The following KCNN2 variants were observed in gnomAD, a reference collection of about 807,000 sequenced individuals.
KCNN2 encodes small conductance calcium-activated potassium channel protein 2.
In KCNN2, 24 loss-of-function variants were observed where a neutral mutation model predicts 55.5. That is an observed-to-expected ratio of 0.43 (90% CI 0.31 to 0.61). The LOEUF is 0.61. Ranked by LOEUF, KCNN2 falls within the 20% of genes least tolerant of loss-of-function variation. The probability of loss-of-function intolerance (pLI) is 0.08; values close to 1 mark genes in which losing one functional copy is unlikely to be tolerated. For synonymous variants in KCNN2, 431 were observed against 336.1 expected (o/e 1.28, Z -3.09); for missense variants, 754 against 853.6 (o/e 0.88, Z 1.45).
rs559647369 is a variant in KCNN2 at position 114,211,533 on chromosome 5, G to A, written c.-270-9947G>A. 1.1e-4 allele frequency among the ~76,000 whole-genome samples: 17 copies of A among 152,162 alleles called. 1 individual carries two copies. The South Asian group carries it at 3.3e-3, about 30-fold the overall frequency. The stretch of plus-strand genomic sequence containing the variant: ...GGTGAGAATTCATGGACACAAAGAG[G>A]GGAACAACAGACTCTGGGACCTACC... On this transcript the variant is annotated intron_variant, in intron 1 of 10. Coordinates refer to the KCNN2 transcript ENST00000512097.
chr5:114,191,452 A>T (rs1290901246), intron 1 of KCNN2, among the ~76,000 whole-genome samples: 5 of 152,164 alleles, frequency 3.3e-5, no homozygotes, highest in Non-Finnish European at 7.4e-5. Context: ...AGCCATTCAC[A>T]AGTAAGAGGT....
intron 2 of KCNN2, among the ~76,000 whole-genome samples, chr5:114,223,255 G>A (rs1754180209): frequency 6.6e-6 from 1 of 152,078 alleles, no homozygotes; most frequent in African/African-American, 2.4e-5. Context: ...TTAGTCTACT[G>A]GAATGAAATG....
intron 2 of KCNN2, among the ~76,000 whole-genome samples, chr5:114,400,748 C>T (rs1465511021): frequency 6.6e-6 from 1 of 152,158 alleles, no homozygotes; most frequent in African/African-American, 2.4e-5. Context: ...TGTGCTGTTT[C>T]CTGTGCCTAG....
chr5:114,151,489 T>C (rs1752522627), intron 1 of KCNN2, among the ~76,000 whole-genome samples: 1 of 151,988 alleles, frequency 6.6e-6, no homozygotes, highest in African/African-American at 2.4e-5. Flanking sequence ...TTATCAGCTC[T>C]TTCTTTCCAT....
At chr5:114,204,520 T>G (rs946027579) in intron 1 of KCNN2, among the ~76,000 whole-genome samples, 3 of 152,216 alleles carry the variant, frequency 2.0e-5, no homozygotes, top group Non-Finnish European at 4.4e-5. Context: ...AGAAGTAACT[T>G]CTTCTGATGT....
chr5:114,096,484 A>G (rs545092235), intron 1 of KCNN2, among the ~76,000 whole-genome samples: 21 of 152,162 alleles, frequency 1.4e-4, no homozygotes, highest in African/African-American at 4.3e-4. Flanking sequence ...CAAGCTATAT[A>G]CTCATGACCT....
At chr5:114,205,562 A>G (rs1753751632) in intron 1 of KCNN2, among the ~76,000 whole-genome samples, 2 of 152,208 alleles carry the variant, frequency 1.3e-5, no homozygotes, top group African/African-American at 4.8e-5. Context: ...TAGAAGAGCA[A>G]AACAATAGAA....
chr5:114,487,277 T>C, intron 6 of KCNN2, 100 bp downstream of exon 6: 1 of 1,072,916 alleles, frequency 9.3e-7, no homozygotes, highest in South Asian at 1.5e-5. Context: ...AAAGAAAACA[T>C]TGTCATGTTT....
chr5:114,234,360 C>T (rs1161462446), intron 2 of KCNN2, among the ~76,000 whole-genome samples: 1 of 152,140 alleles, frequency 6.6e-6, no homozygotes, highest in Admixed American at 6.5e-5. Flanking sequence ...AATTTTTCTT[C>T]TCAGATGCAG....
At chr5:114,123,325 A>G (rs1192178105) in intron 1 of KCNN2, among the ~76,000 whole-genome samples, 2 of 150,742 alleles carry the variant, frequency 1.3e-5, no homozygotes, top group Non-Finnish European at 3.0e-5. Context: ...TTTGAGTTCT[A>G]ATACTGTAAG....
At chr5:114,490,823 T>C (rs1186394867) in intron 6 of KCNN2, 4 of 397,264 alleles carry the variant, frequency 1.0e-5, no homozygotes, top group Middle Eastern at 6.2e-4. Flanking sequence ...TGATCCAAAA[T>C]CATGATATTT....
chr5:114,438,662 G>A (rs1226364059), intron 3 of KCNN2, among the ~76,000 whole-genome samples: 1 of 152,128 alleles, frequency 6.6e-6, no homozygotes, highest in African/African-American at 2.4e-5. Flanking sequence ...TGGGGAAAAT[G>A]GTGATGTCAC....
intron 2 of KCNN2, among the ~76,000 whole-genome samples, chr5:114,332,327 T>C (rs1256182388): frequency 2.0e-5 from 3 of 152,118 alleles, no homozygotes; most frequent in African/African-American, 4.8e-5. Context: ...TGAGAGACAG[T>C]TAGGAGTTTA....
At chr5:114,118,643 A>G (rs558279757) in intron 1 of KCNN2, among the ~76,000 whole-genome samples, 29 of 152,192 alleles carry the variant, frequency 1.9e-4, no homozygotes, top group African/African-American at 6.7e-4. Context: ...TGTCTTATCA[A>G]GTATGCTGAT....
chr5:114,436,186 CT>C (rs1173097965), intron 3 of KCNN2, among the ~76,000 whole-genome samples: 2 of 152,158 alleles, frequency 1.3e-5, no homozygotes, highest in African/African-American at 4.8e-5. Flanking sequence ...AGAAATTGTC[CT>C]TAAGAATACA....
chr5:114,334,260 A>ATGTG (rs56654295), intron 2 of KCNN2, among the ~76,000 whole-genome samples: 1,799 of 138,244 alleles, frequency 0.013, 19 homozygotes, highest in Non-Finnish European at 0.013. Flanking sequence ...CATATGCCTG[A>ATGTG]TGTGTGTGTG....
intron 1 of KCNN2, among the ~76,000 whole-genome samples, chr5:114,078,649 G>A (rs1274826687): frequency 6.6e-6 from 1 of 152,176 alleles, no homozygotes; most frequent in Non-Finnish European, 1.5e-5. Flanking sequence ...GCTAAAAGGT[G>A]GAGATGGCTG....
rs113883942 is a variant in KCNN2, at chr5:114,085,230, C to T, written c.-271+28730C>T. 2.0e-4 allele frequency among the ~76,000 whole-genome samples: 30 copies of T among 151,972 alleles called. 1 individual carries two copies. The highest frequency in any genetic ancestry group is 7.2e-4 in the African/African-American group (30 of 41,498). Reference sequence around the variant, plus strand: ...TTTTCCCTTTCCATATAAACTTTAGCATCAGTTTATTGATTTCTACAAAGC... The same window carrying T: ...TTTTCCCTTTCCATATAAACTTTAGTATCAGTTTATTGATTTCTACAAAGC... On this transcript the variant is annotated intron_variant, in intron 1 of 10. Transcript: ENST00000512097.
At chr5:114,281,924 A>G (rs1172253750) in intron 2 of KCNN2, among the ~76,000 whole-genome samples, 1 of 151,772 alleles carries the variant, frequency 6.6e-6, no homozygotes, top group Non-Finnish European at 1.5e-5. Flanking sequence ...AAATTTAAAT[A>G]TTTTTCTGGA....
Sources: allele counts gnomAD v4.1 joint callset (sites outside exome capture counted in the v4.1 genomes callset), GRCh38; gene constraint gnomAD v4.1.1; transcripts MANE v1.5; gene names NCBI Gene and HGNC (gene_info 2026-07-23, HGNC 2026-07-21).